The following SPACA3 variants were observed in gnomAD, a reference collection of about 807,000 sequenced individuals.
SPACA3 encodes sperm acrosome associated 3.
In SPACA3, 21 loss-of-function variants were observed where a neutral mutation model predicts 24.5. The ratio of observed to expected loss-of-function variants is 0.86; its 90% CI spans 0.61 to 1.24. The LOEUF is 1.24. SPACA3 is among the 50% of genes most tolerant of loss of function. The probability of loss-of-function intolerance (pLI) is 0.00; values close to 1 mark genes in which losing one functional copy is unlikely to be tolerated. For synonymous variants in SPACA3, 115 were observed against 106.9 expected (o/e 1.08, Z -0.47); for missense variants, 278 against 275.5 (o/e 1.01, Z -0.06).
intron 2 of SPACA3, 124 bp from the exon 3 acceptor site, chr17:32,996,719 C>T (rs938899313): frequency 4.5e-5 from 51 of 1,136,338 alleles, no homozygotes; most frequent in Non-Finnish European, 5.8e-5. Flanking sequence ...GAGGCACCTG[C>T]CCCAATCACC....
intron 2 of SPACA3, 49 bp downstream of exon 2, chr17:32,995,766 C>T (rs773401025): frequency 7.0e-6 from 11 of 1,563,324 alleles, no homozygotes; most frequent in African/African-American, 1.3e-5. Flanking sequence ...CACCTCCCTC[C>T]CTCTTTCCCT....
chr17:32,994,846 G>T (rs28905), intron 1 of SPACA3, among the ~76,000 whole-genome samples: 1 of 152,024 alleles, frequency 6.6e-6, no homozygotes, highest in Non-Finnish European at 1.5e-5. Flanking sequence ...CAAACCAGAC[G>T]GGCAGGCTGG....
intron 1 of SPACA3, among the ~76,000 whole-genome samples, 159 bp downstream of exon 1, chr17:32,992,131 C>T (rs1162006182): frequency 7.0e-6 from 1 of 143,640 alleles, no homozygotes; most frequent in East Asian, 2.0e-4. Context: ...GAGAGAGAAA[C>T]TCTGGAGCTG....
intron 3 of SPACA3, among the ~76,000 whole-genome samples, chr17:32,997,231 G>C (rs2091727573): frequency 6.6e-6 from 1 of 152,094 alleles, no homozygotes; most frequent in Admixed American, 6.5e-5. Flanking sequence ...AGGGAGGATT[G>C]TTTCTGATGG....
intron 3 of SPACA3, 53 bp from the exon 4 acceptor site, chr17:32,997,392 C>T: frequency 6.9e-7 from 1 of 1,452,132 alleles, no homozygotes; most frequent in Non-Finnish European, 9.7e-7. Flanking sequence ...CACACACACA[C>T]ACACCTGGAT....
chr17:32,995,303 C>T, intron 1 of SPACA3, 106 bp from the exon 2 acceptor site: 1 of 1,065,676 alleles, frequency 9.4e-7, no homozygotes, highest in Non-Finnish European at 1.4e-6. Context: ...AGGAGAGGGG[C>T]TGGTCTCGGG....
At position 32,995,540 on chromosome 17, in the gene SPACA3, A is replaced by G. The variant is rs1211232272; in HGVS notation, c.166A>G (p.Arg56Gly). 6.2e-7 allele frequency: 1 copy of G among 1,614,242 alleles called. No homozygotes were observed. The highest frequency in any genetic ancestry group is 1.1e-5 in the South Asian group (1 of 91,088). Residue 56 changes from arginine to glycine, a missense_variant, in exon 2 of 5, where the codon AGG (arginine) becomes GGG (glycine). Coordinates refer to ENST00000269053, the MANE Select transcript of SPACA3 (RefSeq NM_173847.5). ...GSTSAAGIEA[R>G]SRALRRRWCP... Reference sequence around the variant, plus strand: ...CACCTCTGCCGCCGGCATAGAAGCCAGGAGCAGGGCTCTCAGAAGGCGGTG... The same window carrying G: ...CACCTCTGCCGCCGGCATAGAAGCCGGGAGCAGGGCTCTCAGAAGGCGGTG...
intron 2 of SPACA3, 46 bp downstream of exon 2, chr17:32,995,763 C>T (rs1199650345): frequency 5.7e-6 from 9 of 1,571,852 alleles, no homozygotes; most frequent in Non-Finnish European, 7.8e-6. Context: ...CCACACCTCC[C>T]TCCCTCTTTC....
chr17:32,994,567 T>A (rs2091710720), intron 1 of SPACA3, among the ~76,000 whole-genome samples: 1 of 151,966 alleles, frequency 6.6e-6, no homozygotes, highest in Non-Finnish European at 1.5e-5. Context: ...AGAGCAGGTG[T>A]GGAGGCGCAG....
intron 1 of SPACA3, among the ~76,000 whole-genome samples, chr17:32,992,410 A>G (rs28908): frequency 0.66 from 100,176 of 151,962 alleles, 33,401 homozygotes; most frequent in African/African-American, 0.73. Flanking sequence ...TCGCGGTGAG[A>G]AGAAGGTCTC....
intron 1 of SPACA3, among the ~76,000 whole-genome samples, chr17:32,993,623 A>G (rs967236569): frequency 6.6e-6 from 1 of 152,080 alleles, no homozygotes; most frequent in Admixed American, 6.5e-5. Context: ...CCCGCAGAGC[A>G]GTTTCAGCGC....
intron 1 of SPACA3, among the ~76,000 whole-genome samples, chr17:32,993,624 G>C (rs2091704614): frequency 6.6e-6 from 1 of 152,118 alleles, no homozygotes; most frequent in Non-Finnish European, 1.5e-5. Context: ...CCGCAGAGCA[G>C]TTTCAGCGCG....
Position 32,995,519 on chromosome 17 carries a change from T to C in SPACA3, c.145T>C (p.Ser49Pro). Residue 49 changes from serine (S) to proline (P), a missense_variant, in exon 2 of 5, where the codon TCT (serine) becomes CCT (proline). Physicochemically the swap from Ser to Pro is moderately conservative, Grantham distance 74 (BLOSUM62 -1). Transcript: ENST00000269053. ...ALSQSGGGST[S>P]AAGIEARSRA... ...GAGCCAGAGTGGTGGTGGCTCCACC[T>C]CTGCCGCCGGCATAGAAGCCAGGAG... 16 of 1,614,210 alleles carry C rather than the reference T, an allele frequency of 9.9e-6. No individual in the cohort carries two copies. Among genetic ancestry groups the C allele is most frequent in the Non-Finnish European group, 1.3e-5 (15 of 1,180,040 alleles).
At position 32,992,814 on chromosome 17, in the gene SPACA3, G is replaced by A. The variant is rs554114960; in HGVS notation, c.34+842G>A. The A allele has an allele frequency of 6.6e-5, 30 of 453,398 alleles. 1 individual carries two copies. The highest frequency in any genetic ancestry group is 3.7e-4 in the South Asian group (23 of 61,562). The allele number at this position is 453,398 out of a possible 1,614,324, so 28.1% of individuals were successfully genotyped here. A position where few individuals can be genotyped will look rare whatever the true frequency, so the allele number is the denominator to read the frequency against. On this transcript the variant is annotated intron_variant, in intron 1 of 4. Transcript: ENST00000269053. Reference sequence around the variant, plus strand: ...TAACGTGTGAATGAGGGAGTGGGCCGCAGGGCTGGGCTGTGAAGGGTCGTG... The same window carrying A: ...TAACGTGTGAATGAGGGAGTGGGCCACAGGGCTGGGCTGTGAAGGGTCGTG...
intron 2 of SPACA3, among the ~76,000 whole-genome samples, chr17:32,996,507 A>AAT (rs1567712025): frequency 2.0e-5 from 3 of 150,666 alleles, no homozygotes; most frequent in African/African-American, 7.3e-5. Flanking sequence ...AAAAAAAAAA[A>AAT]GATTTAGCAC....
chr17:32,997,120 C>T, intron 3 of SPACA3, 119 bp downstream of exon 3: 11 of 1,202,094 alleles, frequency 9.2e-6, no homozygotes, highest in African/African-American at 1.5e-5. Context: ...TCAGGCTGGG[C>T]CCACGGAGGA....
intron 3 of SPACA3, among the ~76,000 whole-genome samples, 170 bp from the exon 4 acceptor site, chr17:32,997,275 C>T (rs574429393): frequency 1.0e-4 from 15 of 149,488 alleles, no homozygotes; most frequent in South Asian, 6.4e-4. Context: ...CCTGTGCTTC[C>T]GGAGTGGTTG....
rs2091730429 is a variant in SPACA3 at position 32,997,500 on chromosome 17, A to G, written c.558A>G (p.Gln186=). 1.2e-6 allele frequency: 2 copies of G among 1,613,956 alleles called. No homozygotes were observed. Among genetic ancestry groups the G allele is most frequent in the East Asian group, 2.2e-5 (1 of 44,880 alleles). The change falls in exon 4 of 5, where the codon CAA becomes CAG. Residue 186 remains glutamine, a synonymous_variant. Coordinates refer to ENST00000269053, the MANE Select transcript of SPACA3 (RefSeq NM_173847.5). ...DTVICAMKIT[Q]EPQGLGYWEA... Reference sequence around the variant, plus strand: ...TTATCTGTGCCATGAAGATAACCCAAGAGCCTCAGGGTCTGGGTTACTGGT... The same window carrying G: ...TTATCTGTGCCATGAAGATAACCCAGGAGCCTCAGGGTCTGGGTTACTGGT...
chr17:32,995,323 A>C, intron 1 of SPACA3, 86 bp from the exon 2 acceptor site: 1 of 1,308,916 alleles, frequency 7.6e-7, no homozygotes, highest in Non-Finnish European at 1.1e-6. Flanking sequence ...GGTCAGGGTG[A>C]TGCTGATCAG....
Sources: allele counts gnomAD v4.1 joint callset (sites outside exome capture counted in the v4.1 genomes callset), GRCh38; gene constraint gnomAD v4.1.1; transcripts MANE v1.5; gene names NCBI Gene and HGNC (gene_info 2026-07-23, HGNC 2026-07-21).